The following COL25A1 variants were observed in gnomAD, a reference collection of about 807,000 sequenced individuals.
The protein encoded by COL25A1 is collagen alpha-1(XXV) chain.
Under a neutral mutation model 128.4 loss-of-function variants are expected in COL25A1, and 103 were observed. The ratio of observed to expected loss-of-function variants is 0.80; its 90% CI spans 0.68 to 0.94. COL25A1 has a LOEUF of 0.94. Ranked by LOEUF, COL25A1 falls within the 40% of genes least tolerant of loss-of-function variation. The probability of loss-of-function intolerance (pLI) is 0.00; values close to 1 mark genes in which losing one functional copy is unlikely to be tolerated. For missense variants in COL25A1, 745 were observed against 840.0 expected, an observed-to-expected ratio of 0.89 and a Z score of 1.40; for synonymous variants, 279 against 277.2, an observed-to-expected ratio of 1.01 and a Z score of -0.06.
intron 3 of COL25A1, among the ~76,000 whole-genome samples, chr4:109,288,015 AG>A (rs78075281): frequency 0.081 from 12,362 of 152,218 alleles, 688 homozygotes; most frequent in East Asian, 0.23. Context: ...GAAGTATCCA[AG>A]AAAAAAATAA....
At chr4:109,259,536 T>C (rs1781294777) in intron 3 of COL25A1, among the ~76,000 whole-genome samples, 1 of 152,154 alleles carries the variant, frequency 6.6e-6, no homozygotes, top group African/African-American at 2.4e-5. Context: ...TGATTTGATA[T>C]ATAAAGCCCA....
intron 3 of COL25A1, among the ~76,000 whole-genome samples, chr4:109,082,869 T>C (rs1473561515): frequency 6.6e-6 from 1 of 152,176 alleles, no homozygotes; most frequent in African/African-American, 2.4e-5. Flanking sequence ...ATCACCCAGG[T>C]ACTAAGCCTA....
At chr4:108,829,424 T>TATC (rs776381902) in intron 32 of COL25A1, among the ~76,000 whole-genome samples, 1 of 147,588 alleles carries the variant, frequency 6.8e-6, no homozygotes, top group South Asian at 2.2e-4. Context: ...TCTATCTATC[T>TATC]ATCTATCTAT....
chr4:108,904,507 TATC>T (rs908147688), intron 13 of COL25A1, among the ~76,000 whole-genome samples: 6 of 152,104 alleles, frequency 3.9e-5, no homozygotes, highest in Non-Finnish European at 8.8e-5. Flanking sequence ...GGACAAAAAT[TATC>T]ATGAGTCCTC....
intron 6 of COL25A1, among the ~76,000 whole-genome samples, chr4:109,000,961 A>G (rs1755311700): frequency 6.6e-6 from 1 of 152,002 alleles, no homozygotes; most frequent in Admixed American, 6.6e-5. Context: ...GGCAAAAAGA[A>G]AAAGAAGATT....
intron 3 of COL25A1, among the ~76,000 whole-genome samples, chr4:109,057,557 T>A (rs572320099): frequency 6.6e-6 from 1 of 150,812 alleles, no homozygotes; most frequent in Non-Finnish European, 1.5e-5. Context: ...GCTGGGATTA[T>A]AGGCATGAGC....
intron 35 of COL25A1, chr4:108,819,937 T>C (rs1731618405): frequency 8.1e-6 from 8 of 993,470 alleles, no homozygotes; most frequent in Non-Finnish European, 9.1e-6. Context: ...CAAATTTTAT[T>C]TGGGGGAAAA....
At chr4:109,040,740 A>G (rs1180911065) in intron 5 of COL25A1, among the ~76,000 whole-genome samples, 1 of 152,228 alleles carries the variant, frequency 6.6e-6, no homozygotes, top group Non-Finnish European at 1.5e-5. Flanking sequence ...ACTGGACATT[A>G]GAACGGTACA....
chr4:109,198,963 C>T (rs533990324), intron 3 of COL25A1, among the ~76,000 whole-genome samples: 9 of 152,160 alleles, frequency 5.9e-5, no homozygotes, highest in Admixed American at 2.0e-4. Context: ...CTAAATAAGA[C>T]CCTATTGGGA....
At position 109,301,773 on chromosome 4, in the gene COL25A1, C is replaced by T. The variant is rs1392203003; in HGVS notation, c.247G>A (p.Asp83Asn). The T allele has an allele frequency of 1.2e-6, 2 of 1,614,232 alleles. No individual in the cohort carries two copies. Among genetic ancestry groups the T allele is most frequent in the East Asian group, 2.2e-5 (1 of 44,886 alleles). Residue 83 changes from aspartate (D) to asparagine (N), a missense_variant, in exon 2 of 38, where the codon GAT becomes AAT. Physicochemically the swap from Asp to Asn is conservative, Grantham distance 23. This residue lies in a region of COL25A1 where 319 missense variants were observed against 324.9 expected (regional missense o/e 0.98). Coordinates refer to ENST00000399132, the MANE Select transcript of COL25A1 (RefSeq NM_198721.4). ...TCTTGCACCATAGTCTTGAGGTGAT[C>T]CAGGGTATCAGGCAGCAGATGAATG... ...PSIHLLPDTL[D>N]HLKTMVQEKV...
chr4:108,854,680 T>C, intron 24 of COL25A1, among the ~76,000 whole-genome samples: 1 of 152,110 alleles, frequency 6.6e-6, no homozygotes, highest in Non-Finnish European at 1.5e-5. Context: ...TCATGCCAGT[T>C]AGAATGGCGA....
chr4:109,211,260 G>T (rs558830783), intron 3 of COL25A1, among the ~76,000 whole-genome samples: 1 of 111,238 alleles, frequency 9.0e-6, no homozygotes, highest in Non-Finnish European at 2.2e-5. Flanking sequence ...CAATATATAT[G>T]TATATATATG....
Position 108,920,617 on chromosome 4 carries a change from A to AACGATTCAATT in COL25A1, c.709-24_709-14dup. 1 of 1,598,820 alleles carries AACGATTCAATT rather than the reference A, an allele frequency of 6.3e-7. No individual in the cohort carries two copies. Among genetic ancestry groups the AACGATTCAATT allele is most frequent in the South Asian group, 1.1e-5 (1 of 89,776 alleles). ...GCCCTAGAGGACCCTAAAAAAGAAAAACGATTCAATTAACATACTATTGTA... is the reference window on the plus strand; with the variant it reads ...GCCCTAGAGGACCCTAAAAAAGAAAAACGATTCAATTACGATTCAATTAACATACTATTGTA... On this transcript the variant is annotated splice_polypyrimidine_tract_variant and intron_variant, in intron 11 of 37. Transcript: ENST00000399132.
At chr4:109,031,204 C>T (rs373483483) in intron 5 of COL25A1, among the ~76,000 whole-genome samples, 3 of 152,180 alleles carry the variant, frequency 2.0e-5, no homozygotes, top group East Asian at 1.9e-4. Flanking sequence ...CTCCACCTCC[C>T]GGGTCCACGC....
intron 5 of COL25A1, among the ~76,000 whole-genome samples, chr4:109,017,029 C>G (rs1390205215): frequency 6.6e-6 from 1 of 152,212 alleles, no homozygotes; most frequent in Non-Finnish European, 1.5e-5. Context: ...GACCTAGGGA[C>G]TCCCTGAGCC....
At chr4:108,869,772 T>C (rs1738472866) in intron 19 of COL25A1, among the ~76,000 whole-genome samples, 1 of 152,142 alleles carries the variant, frequency 6.6e-6, no homozygotes, top group Non-Finnish European at 1.5e-5. Flanking sequence ...ATAAGAAAAT[T>C]TTAAAGCAAA....
chr4:109,061,084 G>T (rs1452376746), intron 3 of COL25A1, among the ~76,000 whole-genome samples: 1 of 152,120 alleles, frequency 6.6e-6, no homozygotes, highest in Non-Finnish European at 1.5e-5. Flanking sequence ...AACACACAAG[G>T]TTTTCTCCTA....
intron 3 of COL25A1, among the ~76,000 whole-genome samples, chr4:109,248,280 T>C (rs1432401285): frequency 6.6e-6 from 1 of 152,154 alleles, no homozygotes; most frequent in Non-Finnish European, 1.5e-5. Flanking sequence ...TTTTTTAGAC[T>C]CTCAAACTTT....
intron 5 of COL25A1, among the ~76,000 whole-genome samples, chr4:109,021,210 G>T (rs1377836112): frequency 6.6e-6 from 1 of 152,240 alleles, no homozygotes; most frequent in Non-Finnish European, 1.5e-5. Flanking sequence ...GTGAGAAGAA[G>T]AGGAAGGCAA....
Sources: allele counts gnomAD v4.1 joint callset (sites outside exome capture counted in the v4.1 genomes callset), GRCh38; gene constraint gnomAD v4.1.1; regional missense constraint gnomAD v4.1.1; transcripts MANE v1.5; gene names NCBI Gene and HGNC (gene_info 2026-07-23, HGNC 2026-07-21).